SNTG1: variants seen among roughly 807,000 people sequenced by gnomAD.
SNTG1 encodes the protein syntrophin gamma 1, also known as gamma-1-syntrophin.
In SNTG1, 39 loss-of-function variants were observed where a neutral mutation model predicts 74.7. That is an observed-to-expected ratio of 0.52 (90% CI 0.40 to 0.68). The LOEUF (loss-of-function observed/expected upper bound fraction) is 0.68. SNTG1 is among the 30% of genes least tolerant of loss of function. SNTG1 has a pLI of 0.00. For synonymous variants in SNTG1, 254 were observed against 217.1 expected, an observed-to-expected ratio of 1.17 and a Z score of -1.49; for missense variants, 685 against 609.5, an observed-to-expected ratio of 1.12 and a Z score of -1.30.
intron 1 of SNTG1, among the ~76,000 whole-genome samples, chr8:50,047,824 G>A (rs765862435): frequency 1.1e-4 from 17 of 152,060 alleles, no homozygotes; most frequent in South Asian, 8.3e-4. Context: ...ATGAAGATGC[G>A]CCAAAGAATC....
At chr8:50,400,088 G>A (rs1461568601) in intron 3 of SNTG1, among the ~76,000 whole-genome samples, 1 of 152,218 alleles carries the variant, frequency 6.6e-6, no homozygotes, top group Non-Finnish European at 1.5e-5. Context: ...TTTGGAGGCT[G>A]CAGTATATAA....
intron 8 of SNTG1, among the ~76,000 whole-genome samples, chr8:50,478,328 A>G (rs2093712721): frequency 6.6e-6 from 1 of 152,178 alleles, no homozygotes; most frequent in South Asian, 2.1e-4. Flanking sequence ...TTGATGCTTT[A>G]GGATTAATCT....
At chr8:50,255,854 G>A (rs1358977229) in intron 2 of SNTG1, among the ~76,000 whole-genome samples, 1 of 152,066 alleles carries the variant, frequency 6.6e-6, no homozygotes, top group East Asian at 1.9e-4. Flanking sequence ...GGGGTGGGGA[G>A]ACACCATGCA....
intron 4 of SNTG1, among the ~76,000 whole-genome samples, chr8:50,416,263 C>T (rs1003405668): frequency 2.6e-5 from 4 of 152,056 alleles, no homozygotes; most frequent in South Asian, 2.1e-4. Flanking sequence ...TCCTGGATTG[C>T]CATGGAGGTT....
intron 18 of SNTG1, among the ~76,000 whole-genome samples, chr8:50,770,425 C>G (rs533928234): frequency 6.6e-6 from 1 of 152,078 alleles, no homozygotes; most frequent in African/African-American, 2.4e-5. Flanking sequence ...TCCTACTACC[C>G]TGTCCAGACC....
chr8:50,651,710 G>A (rs576642455), intron 13 of SNTG1, among the ~76,000 whole-genome samples: 2 of 152,104 alleles, frequency 1.3e-5, no homozygotes, highest in African/African-American at 2.4e-5. Context: ...ACCCACCTCG[G>A]CCTCCCAAAG....
rs75043010 is a variant in SNTG1, at chr8:50,622,374, A to G, written c.849+31457A>G. The stretch of plus-strand genomic sequence containing the variant: ...ACCTCAACTTGTATAGAAACAGTTA[A>G]TGTTTAATAACATACTTTGATAATA... On this transcript the variant is annotated intron_variant, in intron 13 of 18. Transcript: ENST00000642720. Among the ~76,000 whole-genome samples the G allele has an allele frequency of 3.4e-4, 52 of 152,326 alleles. No homozygotes were observed. The East Asian group carries it at 9.3e-3, about 27-fold the overall frequency.
At chr8:50,134,560 A>C (rs1175161212) in intron 1 of SNTG1, among the ~76,000 whole-genome samples, 1 of 152,192 alleles carries the variant, frequency 6.6e-6, no homozygotes, top group African/African-American at 2.4e-5. Context: ...TGTAATCAGC[A>C]AGTATAAACA....
In SNTG1 at chr8:50,312,709, C is replaced by A. The variant is rs570724759; in HGVS notation, c.-27-81503C>A. On this transcript the variant is annotated intron_variant, in intron 2 of 18. Transcript: ENST00000642720. ...TCCACATGGCAAAATATGTTCATCT[C>A]TACGTTTTCTCAATTCCTAACATGC... 1.9e-4 allele frequency among the ~76,000 whole-genome samples: 29 copies of A among 150,148 alleles called. 7 individuals carry two copies. The highest frequency in any genetic ancestry group is 6.9e-4 in the African/African-American group (28 of 40,404).
intron 1 of SNTG1, among the ~76,000 whole-genome samples, chr8:49,963,462 T>C (rs1810873916): frequency 6.6e-6 from 1 of 152,246 alleles, no homozygotes; most frequent in Admixed American, 6.5e-5. Flanking sequence ...TCATAGTTTG[T>C]AAGAACTTGG....
chr8:50,415,462 A>G (rs2093002382), intron 4 of SNTG1, among the ~76,000 whole-genome samples: 1 of 152,290 alleles, frequency 6.6e-6, no homozygotes, highest in South Asian at 2.1e-4. Flanking sequence ...TTATACCTAT[A>G]CATGTTAACA....
At chr8:50,565,244 G>T (rs1175587090) in intron 12 of SNTG1, among the ~76,000 whole-genome samples, 1 of 151,914 alleles carries the variant, frequency 6.6e-6, no homozygotes, top group Non-Finnish European at 1.5e-5. Context: ...GAATAAATGT[G>T]CATCAGTCCA....
chr8:50,078,673 G>C (rs1822120526), intron 1 of SNTG1, among the ~76,000 whole-genome samples: 1 of 152,052 alleles, frequency 6.6e-6, no homozygotes, highest in South Asian at 2.1e-4. Context: ...TTTAAGCCCT[G>C]CGTGCATTAG....
chr8:50,701,625 C>T (rs796675660), intron 15 of SNTG1, among the ~76,000 whole-genome samples: 670 of 76,192 alleles, frequency 8.8e-3, no homozygotes, highest in African/African-American at 0.045. Context: ...CTTCGTGTTC[C>T]TCTTCCTCTT....
chr8:50,650,071 T>A lies in SNTG1; in HGVS notation c.850-6838T>A, dbSNP rs530875972. 3.0e-3 allele frequency among the ~76,000 whole-genome samples: 461 copies of A among 151,964 alleles called. 3 individuals carry two copies. The highest frequency in any genetic ancestry group is 0.011 in the African/African-American group (444 of 41,534). On this transcript the variant is annotated intron_variant, in intron 13 of 18. Transcript: ENST00000642720. ...GTGTATATTCCTGTATTGTTACTGA[T>A]CTCCAAAGAATAATTTAAATAATTC...
chr8:50,591,438 A>T (rs1402911692), intron 13 of SNTG1, among the ~76,000 whole-genome samples: 2 of 152,306 alleles, frequency 1.3e-5, no homozygotes, highest in Non-Finnish European at 2.9e-5. Flanking sequence ...ATGATACATA[A>T]ATTACAAATT....
chr8:50,590,406 A>C (rs2094683938), intron 12 of SNTG1, among the ~76,000 whole-genome samples: 1 of 152,118 alleles, frequency 6.6e-6, no homozygotes, highest in African/African-American at 2.4e-5. Context: ...AAATTTTCTT[A>C]AAGTAAATGT....
chr8:50,429,091 A>G (rs1026259057), intron 4 of SNTG1, among the ~76,000 whole-genome samples: 1 of 152,138 alleles, frequency 6.6e-6, no homozygotes, highest in Non-Finnish European at 1.5e-5. Context: ...TCTACATTAT[A>G]AATCCCTATA....
chr8:50,780,517 G>A (rs950435155), intron 18 of SNTG1, among the ~76,000 whole-genome samples: 2 of 152,156 alleles, frequency 1.3e-5, no homozygotes, highest in African/African-American at 4.8e-5. Context: ...TTCTCTGATG[G>A]TAGTTTGTAT....
Sources: allele counts gnomAD v4.1 joint callset (sites outside exome capture counted in the v4.1 genomes callset), GRCh38; gene constraint gnomAD v4.1.1; transcripts MANE v1.5; gene names NCBI Gene and HGNC (gene_info 2026-07-23, HGNC 2026-07-21).